TTC17: variants seen among roughly 807,000 people sequenced by gnomAD.
TTC17 encodes the protein tetratricopeptide repeat protein 17.
A neutral mutation model predicts 143.8 loss-of-function variants in TTC17; 58 were observed. The observed-to-expected ratio is 0.40, with a 90% CI of 0.33 to 0.50. The LOEUF (loss-of-function observed/expected upper bound fraction) is 0.50, where lower values mean the gene tolerates loss of function less well. TTC17 is among the 20% of genes least tolerant of loss of function. The pLI is 0.49. For missense variants in TTC17, 1,273 were observed against 1,392.5 expected (o/e 0.91, Z 1.37); for synonymous variants, 501 against 497.8 (o/e 1.01, Z -0.09).
intron 20 of TTC17, among the ~76,000 whole-genome samples, chr11:43,450,443 A>G (rs1297804952): frequency 1.3e-5 from 2 of 152,120 alleles, no homozygotes; most frequent in East Asian, 3.9e-4. Flanking sequence ...TTTCTTTATG[A>G]CCATGGAATT....
chr11:43,401,369 A>T, intron 9 of TTC17, 77 bp from the exon 10 acceptor site: 1 of 987,102 alleles, frequency 1.0e-6, no homozygotes, highest in Non-Finnish European at 1.6e-6. Context: ...GTTGATACTA[A>T]ATGACTTAGT....
intron 9 of TTC17, 37 bp from the exon 10 acceptor site, chr11:43,401,409 T>G (rs775606001): frequency 4.2e-6 from 6 of 1,423,690 alleles, no homozygotes; most frequent in Non-Finnish European, 4.9e-6. Context: ...ATTGTTGACC[T>G]TGCTCATCAT....
intron 21 of TTC17, chr11:43,490,034 A>G: frequency 4.2e-6 from 2 of 472,992 alleles, no homozygotes; most frequent in Non-Finnish European, 6.8e-6. Flanking sequence ...TCTCATTTAT[A>G]GAAGGGCTGT....
chr11:43,448,223 T>C, intron 19 of TTC17, 101 bp downstream of exon 19: 1 of 1,480,676 alleles, frequency 6.8e-7, no homozygotes, highest in Non-Finnish European at 9.0e-7. Context: ...AGAGTTATCC[T>C]TTCTAGAGCT....
intron 18 of TTC17, among the ~76,000 whole-genome samples, chr11:43,444,722 T>TACACACAC (rs10638143): frequency 0.021 from 2,993 of 143,558 alleles, 33 homozygotes; most frequent in Non-Finnish European, 0.026. Flanking sequence ...ACCAAATACA[T>TACACACAC]ACACACACAC....
chr11:43,415,544 T>C (rs1946759249), intron 16 of TTC17, among the ~76,000 whole-genome samples: 1 of 152,186 alleles, frequency 6.6e-6, no homozygotes, highest in Non-Finnish European at 1.5e-5. Context: ...TTTATTAATA[T>C]TCAAATTAGG....
At chr11:43,401,992 TAAA>T (rs1399620873) in intron 10 of TTC17, among the ~76,000 whole-genome samples, 7 of 108,066 alleles carry the variant, frequency 6.5e-5, no homozygotes, top group African/African-American at 5.3e-4. Context: ...AATAAATAAA[TAAA>T]TAAATAAATA....
chr11:43,377,417 A>G (rs1284093945), intron 1 of TTC17, among the ~76,000 whole-genome samples: 1 of 152,244 alleles, frequency 6.6e-6, no homozygotes, highest in Non-Finnish European at 1.5e-5. Context: ...TGATAATCTA[A>G]GGAGGAGAAG....
At chr11:43,442,644 T>C (rs773881832) in intron 16 of TTC17, among the ~76,000 whole-genome samples, 2 of 152,190 alleles carry the variant, frequency 1.3e-5, no homozygotes, top group African/African-American at 4.8e-5. Flanking sequence ...GTAACCTTCA[T>C]TGGATAATAA....
chr11:43,368,424 CA>C (rs1856435075), intron 1 of TTC17, among the ~76,000 whole-genome samples: 1 of 152,180 alleles, frequency 6.6e-6, no homozygotes, highest in Admixed American at 6.5e-5. Flanking sequence ...CCCCCATTCA[CA>C]AAATTGCCCA....
intron 15 of TTC17, among the ~76,000 whole-genome samples, chr11:43,413,718 A>C (rs1421340812): frequency 1.3e-5 from 2 of 151,800 alleles, no homozygotes; most frequent in Non-Finnish European, 2.9e-5. Context: ...AAAAAAAAAA[A>C]CCCTCAACAT....
At chr11:43,481,436 T>TA (rs1948284941) in intron 21 of TTC17, among the ~76,000 whole-genome samples, 1 of 152,208 alleles carries the variant, frequency 6.6e-6, no homozygotes, top group Admixed American at 6.5e-5. Flanking sequence ...TCCTTCACTT[T>TA]AGTTTTCTGA....
At chr11:43,405,284 T>A (rs2096560199) in intron 11 of TTC17, among the ~76,000 whole-genome samples, 1 of 152,102 alleles carries the variant, frequency 6.6e-6, no homozygotes, top group Non-Finnish European at 1.5e-5. Context: ...TGTGTCTCAC[T>A]GGCTCAACTG....
intron 1 of TTC17, among the ~76,000 whole-genome samples, chr11:43,364,258 T>C (rs1466019136): frequency 6.6e-6 from 1 of 152,038 alleles, no homozygotes; most frequent in African/African-American, 2.4e-5. Context: ...GGTTTCTTCA[T>C]GTCGGCCAGG....
At chr11:43,431,235 G>A (rs557970488) in intron 16 of TTC17, among the ~76,000 whole-genome samples, 7 of 152,270 alleles carry the variant, frequency 4.6e-5, no homozygotes, top group Admixed American at 1.3e-4. Flanking sequence ...GTAAACATAC[G>A]TGTGCATGTG....
chr11:43,471,198 A>C (rs117592970), intron 21 of TTC17, among the ~76,000 whole-genome samples: 3,694 of 152,228 alleles, frequency 0.024, 98 homozygotes, highest in South Asian at 0.13. Flanking sequence ...TGCCATTGCC[A>C]CTGCACCAGC....
intron 21 of TTC17, among the ~76,000 whole-genome samples, chr11:43,481,873 G>A (rs546513469): frequency 2.6e-5 from 4 of 152,134 alleles, no homozygotes; most frequent in South Asian, 2.1e-4. Flanking sequence ...GCAGTGGTGC[G>A]ATCTCAGCTC....
intron 18 of TTC17, chr11:43,447,598 C>T (rs73530630): frequency 0.18 from 29,482 of 162,128 alleles, 4,148 homozygotes; most frequent in African/African-American, 0.38. Flanking sequence ...GCCCAAAATG[C>T]CAATAATACC....
intron 18 of TTC17, among the ~76,000 whole-genome samples, chr11:43,445,370 G>A (rs902638683): frequency 6.6e-6 from 1 of 152,062 alleles, no homozygotes; most frequent in South Asian, 2.1e-4. Flanking sequence ...TAATAAACAA[G>A]CACATAGAAA....
Sources: allele counts gnomAD v4.1 joint callset (sites outside exome capture counted in the v4.1 genomes callset), GRCh38; gene constraint gnomAD v4.1.1; transcripts MANE v1.5; gene names NCBI Gene and HGNC (gene_info 2026-07-23, HGNC 2026-07-21).